GRB10: variants seen among roughly 807,000 people sequenced by gnomAD.
The protein encoded by GRB10 is growth factor receptor-bound protein 10.
GRB10 carries 20 observed loss-of-function variants against 80.9 expected under a neutral mutation model. The ratio of observed to expected loss-of-function variants is 0.25; its 90% confidence interval spans 0.17 to 0.36. The LOEUF (loss-of-function observed/expected upper bound fraction) is 0.36, where lower values mean the gene tolerates loss of function less well. GRB10 is among the 10% of genes least tolerant of loss of function. GRB10 has a pLI of 1.00. For synonymous variants in GRB10, 291 were observed against 291.5 expected, an observed-to-expected ratio of 1.00 and a Z score of 0.02; for missense variants, 548 against 747.7, an observed-to-expected ratio of 0.73 and a Z score of 3.12.
At chr7:50,768,218 G>A (rs907442126) in intron 2 of GRB10, among the ~76,000 whole-genome samples, 1 of 152,168 alleles carries the variant, frequency 6.6e-6, no homozygotes, top group African/African-American at 2.4e-5. Flanking sequence ...ACCCTGAGTG[G>A]TGCCTTAGCT....
intron 3 of GRB10, among the ~76,000 whole-genome samples, chr7:50,754,017 A>C (rs192885823): frequency 1.3e-5 from 2 of 152,322 alleles, no homozygotes; most frequent in East Asian, 3.9e-4. Context: ...CACTCGCAAC[A>C]AATCTATGTC....
At chr7:50,609,236 T>C (rs561855990) in intron 13 of GRB10, among the ~76,000 whole-genome samples, 22 of 152,300 alleles carry the variant, frequency 1.4e-4, no homozygotes, top group African/African-American at 5.1e-4. Context: ...GTAAAATAGT[T>C]ACATTGTGAT....
intron 7 of GRB10, among the ~76,000 whole-genome samples, chr7:50,646,720 T>C (rs1189964082): frequency 6.6e-6 from 1 of 152,210 alleles, no homozygotes; most frequent in East Asian, 1.9e-4. Context: ...GAAAAAGTTT[T>C]CACGTGAACT....
intron 7 of GRB10, among the ~76,000 whole-genome samples, chr7:50,649,830 G>A (rs1045697249): frequency 6.6e-6 from 1 of 152,204 alleles, no homozygotes; most frequent in Admixed American, 6.5e-5. Context: ...CACAGCAACT[G>A]AGCGGACAAT....
chr7:50,774,248 G>A (rs1317104082), intron 2 of GRB10, among the ~76,000 whole-genome samples: 1 of 152,190 alleles, frequency 6.6e-6, no homozygotes, highest in Non-Finnish European at 1.5e-5. Flanking sequence ...AAAGGGTGCA[G>A]GGTCTCTTTT....
intron 4 of GRB10, chr7:50,705,122 T>C (rs2064855465): frequency 1.0e-6 from 1 of 984,564 alleles, no homozygotes; most frequent in African/African-American, 1.7e-5. Flanking sequence ...CTCACTTCTC[T>C]GCTGCGTGCA....
At chr7:50,621,791 G>A (rs1204555811) in intron 8 of GRB10, among the ~76,000 whole-genome samples, 1 of 152,160 alleles carries the variant, frequency 6.6e-6, no homozygotes, top group Non-Finnish European at 1.5e-5. Context: ...AATGGAAAGG[G>A]CAAAAATTCC....
At chr7:50,648,332 T>C (rs1031688187) in intron 7 of GRB10, among the ~76,000 whole-genome samples, 38 of 152,076 alleles carry the variant, frequency 2.5e-4, no homozygotes, top group Admixed American at 2.3e-3. Flanking sequence ...GCTTTAGCCA[T>C]GTGGATGCCA....
chr7:50,604,447 G>T, intron 15 of GRB10, 70 bp from the exon 16 acceptor site: 1 of 1,320,196 alleles, frequency 7.6e-7, no homozygotes, highest in Non-Finnish European at 1.1e-6. Flanking sequence ...ATATGTCCAA[G>T]CTCATGGCAG....
chr7:50,762,369 G>A (rs1341555369), intron 2 of GRB10, among the ~76,000 whole-genome samples: 1 of 151,390 alleles, frequency 6.6e-6, no homozygotes, highest in African/African-American at 2.4e-5. Context: ...AAGATCAGAA[G>A]GGTTAGAAAT....
chr7:50,770,836 T>C (rs1360804384), intron 2 of GRB10, among the ~76,000 whole-genome samples: 2 of 152,202 alleles, frequency 1.3e-5, no homozygotes, highest in Non-Finnish European at 2.9e-5. Context: ...GAATATTCTT[T>C]TTACATGGAG....
intron 17 of GRB10, among the ~76,000 whole-genome samples, chr7:50,597,499 C>A (rs1301941195): frequency 6.6e-6 from 1 of 152,256 alleles, no homozygotes; most frequent in Admixed American, 6.5e-5. Context: ...CAGAAGTTTG[C>A]CGAGCTTCAG....
chr7:50,717,971 C>A (rs533419733), intron 4 of GRB10, among the ~76,000 whole-genome samples: 1 of 152,366 alleles, frequency 6.6e-6, no homozygotes, highest in East Asian at 1.9e-4. Context: ...CTGATCCCCC[C>A]AGGCAGAGAC....
chr7:50,596,661 CTG>C (rs2046708489), intron 17 of GRB10, among the ~76,000 whole-genome samples: 1 of 152,178 alleles, frequency 6.6e-6, no homozygotes, highest in Admixed American at 6.5e-5. Flanking sequence ...AAATTTTACA[CTG>C]TAATAATTCA....
At chr7:50,732,169 A>T in intron 4 of GRB10, 103 bp downstream of exon 4, 1 of 1,175,160 alleles carries the variant, frequency 8.5e-7, no homozygotes, top group South Asian at 1.2e-5. Flanking sequence ...TGTCCTAGTG[A>T]CCTGAGAGCT....
chr7:50,745,512 T>C (rs1263614099), intron 3 of GRB10, among the ~76,000 whole-genome samples: 2 of 152,188 alleles, frequency 1.3e-5, no homozygotes, highest in Admixed American at 1.3e-4. Context: ...TTACCAACTA[T>C]AACCCCCACT....
At chr7:50,684,580 T>C (rs1310923584) in intron 5 of GRB10, among the ~76,000 whole-genome samples, 2 of 146,056 alleles carry the variant, frequency 1.4e-5, no homozygotes, top group Non-Finnish European at 3.0e-5. Context: ...CCATAGAGCC[T>C]ATACAACACA....
intron 7 of GRB10, among the ~76,000 whole-genome samples, chr7:50,668,740 G>A (rs953727361): frequency 5.9e-5 from 9 of 152,230 alleles, no homozygotes; most frequent in Non-Finnish European, 1.0e-4. Context: ...AGAGGCTGCA[G>A]CCCATCCTGG....
At chr7:50,620,249 A>C (rs1467203024) in intron 8 of GRB10, among the ~76,000 whole-genome samples, 1 of 152,232 alleles carries the variant, frequency 6.6e-6, no homozygotes, top group African/African-American at 2.4e-5. Context: ...AGTGATGCCA[A>C]AATGGTACAG....
Sources: gnomAD v4.1 joint callset for allele counts (sites outside exome capture counted in the v4.1 genomes callset) on GRCh38, gnomAD v4.1.1 for gene constraint, MANE v1.5 for transcripts, NCBI Gene and HGNC (gene_info 2026-07-23, HGNC 2026-07-21) for gene names.